The following PPHLN1 variants were observed in gnomAD, a reference collection of about 807,000 sequenced individuals.
The protein encoded by PPHLN1 is periphilin-1.
Under a neutral mutation model 51.3 loss-of-function variants are expected in PPHLN1, and 29 were observed. The ratio of observed to expected loss-of-function variants is 0.57; its 90% CI spans 0.42 to 0.77. PPHLN1 has a LOEUF of 0.77. Among genes scored for constraint, PPHLN1 ranks in the 30% least tolerant of loss-of-function variants. The pLI, the probability that PPHLN1 is intolerant of heterozygous loss-of-function variation, is 0.00. For missense variants in PPHLN1, 436 were observed against 438.4 expected (o/e 0.99, Z 0.05); for synonymous variants, 147 against 147.8 (o/e 0.99, Z 0.04).
At chr12:42,394,252 A>G (rs2077995560) in intron 8 of PPHLN1, among the ~76,000 whole-genome samples, 1 of 152,126 alleles carries the variant, frequency 6.6e-6, no homozygotes, top group Non-Finnish European at 1.5e-5. Flanking sequence ...GAACTGAAAA[A>G]TTTCTGTATA....
At chr12:42,399,144 T>C in intron 9 of PPHLN1, 150 bp downstream of exon 9, 2 of 1,417,760 alleles carry the variant, frequency 1.4e-6, no homozygotes, top group South Asian at 3.4e-5. Flanking sequence ...TTGAGTTGAC[T>C]TCACAGTCAG....
At chr12:42,337,904 C>A (rs956135810) in intron 2 of PPHLN1, among the ~76,000 whole-genome samples, 4 of 151,864 alleles carry the variant, frequency 2.6e-5, no homozygotes, top group African/African-American at 9.7e-5. Flanking sequence ...CTGCCTCAGC[C>A]TCCTGAGTAG....
At chr12:42,419,383 A>G (rs2080773587) in intron 9 of PPHLN1, among the ~76,000 whole-genome samples, 1 of 106,416 alleles carries the variant, frequency 9.4e-6, no homozygotes, top group Non-Finnish European at 2.0e-5. Flanking sequence ...CTGGGATTAC[A>G]GGCACCCACC....
chr12:42,400,798 TCACA>T (rs67724902), intron 9 of PPHLN1, among the ~76,000 whole-genome samples: 13,560 of 142,424 alleles, frequency 0.095, 637 homozygotes, highest in East Asian at 0.18. Flanking sequence ...TCTCTCTCTT[TCACA>T]CACACACACA....
Position 42,356,697 on chromosome 12 carries a change from C to A in PPHLN1, c.299+1475C>A, listed in dbSNP as rs376354730. Among the ~76,000 whole-genome samples the A allele has an allele frequency of 1.6e-4, 25 of 152,186 alleles. No individual in the cohort carries two copies. The South Asian group carries it at 5.2e-3, about 32-fold the overall frequency. On this transcript the variant is annotated intron_variant, in intron 4 of 9. Coordinates refer to ENST00000358314, the MANE Select transcript of PPHLN1 (RefSeq NM_201439.2). ...AATCACCAAGTAGTTATAAAAATAG[C>A]CAGCTGGGAATGGAAAGAGAATTTC...
At chr12:42,402,006 C>T (rs1334561270) in intron 9 of PPHLN1, among the ~76,000 whole-genome samples, 1 of 152,104 alleles carries the variant, frequency 6.6e-6, no homozygotes, top group Non-Finnish European at 1.5e-5. Flanking sequence ...AAGTGTGTGC[C>T]ACCACTCCCA....
chr12:42,358,109 T>A (rs1479616886), intron 4 of PPHLN1, among the ~76,000 whole-genome samples: 1 of 152,202 alleles, frequency 6.6e-6, no homozygotes, highest in Admixed American at 6.5e-5. Flanking sequence ...TGTACTACAT[T>A]TTCTTTATCC....
intron 8 of PPHLN1, among the ~76,000 whole-genome samples, chr12:42,397,508 C>T (rs762018362): frequency 1.5e-4 from 23 of 151,902 alleles, no homozygotes; most frequent in Non-Finnish European, 2.9e-5. Flanking sequence ...CCTGTCTTCT[C>T]TGTTGTACTT....
intron 2 of PPHLN1, among the ~76,000 whole-genome samples, chr12:42,341,867 T>G (rs1056679351): frequency 6.6e-6 from 1 of 152,088 alleles, no homozygotes; most frequent in Admixed American, 6.5e-5. Flanking sequence ...GTGATCCGCC[T>G]GCCTTGGCCT....
At chr12:42,392,559 A>C (rs958149418) in intron 7 of PPHLN1, among the ~76,000 whole-genome samples, 1 of 152,200 alleles carries the variant, frequency 6.6e-6, no homozygotes, top group African/African-American at 2.4e-5. Flanking sequence ...AAGCTGATGA[A>C]AATGTATACC....
At chr12:42,333,183 T>G (rs2070052925) in intron 1 of PPHLN1, among the ~76,000 whole-genome samples, 1 of 152,172 alleles carries the variant, frequency 6.6e-6, no homozygotes. Context: ...GGGGTTACTT[T>G]TCTTTGAAAT....
intron 2 of PPHLN1, among the ~76,000 whole-genome samples, chr12:42,345,102 C>G (rs998158677): frequency 3.9e-5 from 6 of 152,054 alleles, no homozygotes; most frequent in Non-Finnish European, 7.4e-5. Flanking sequence ...TTTCCTGTAA[C>G]CGATAGGTAT....
In PPHLN1 at chr12:42,441,689, T is replaced by G; in HGVS notation, c.*180T>G. ...TCTGTTTAAAATGTTTGATTCAAAT[T>G]TTTGTATTTTTTGTAGAGATGGGGT... On this transcript the variant is annotated 3_prime_UTR_variant, in exon 10 of 10. Coordinates refer to ENST00000358314, the MANE Select transcript of PPHLN1 (RefSeq NM_201439.2). 1 of 1,270,552 alleles carries G rather than the reference T, an allele frequency of 7.9e-7. No homozygotes were observed. 78.7% of individuals were successfully genotyped at this position (1,270,552 alleles called of 1,614,324 possible).
intron 5 of PPHLN1, among the ~76,000 whole-genome samples, chr12:42,379,166 T>A (rs1385881165): frequency 6.6e-6 from 1 of 152,032 alleles, no homozygotes; most frequent in Non-Finnish European, 1.5e-5. Flanking sequence ...CCTTTGTCAT[T>A]TGCCTTTTAT....
At chr12:42,391,386 C>G (rs550311689) in intron 7 of PPHLN1, among the ~76,000 whole-genome samples, 1 of 152,110 alleles carries the variant, frequency 6.6e-6, no homozygotes, top group South Asian at 2.1e-4. Context: ...TTACAGGCGC[C>G]TGCCACCACA....
downstream of PPHLN1, chr12:42,446,330 G>A (rs770443716): frequency 3.1e-5 from 48 of 1,539,068 alleles, no homozygotes; most frequent in African/African-American, 2.3e-4. Flanking sequence ...CCTGTTACCC[G>A]TACCTACTAT....
At chr12:42,432,221 A>G in intron 9 of PPHLN1, 1 of 793,340 alleles carries the variant, frequency 1.3e-6, no homozygotes, top group Non-Finnish European at 2.3e-6. Context: ...GGGGTTAGAC[A>G]GCTTAGAATT....
intron 9 of PPHLN1, among the ~76,000 whole-genome samples, chr12:42,425,042 G>GTATGTAAA (rs1555219828): frequency 0.013 from 1,907 of 143,806 alleles, 41 homozygotes; most frequent in African/African-American, 0.046. Context: ...TTTATTTTAT[G>GTATGTAAA]TATGTATGTA....
intron 9 of PPHLN1, among the ~76,000 whole-genome samples, chr12:42,409,623 T>C (rs1036954125): frequency 6.6e-6 from 1 of 152,158 alleles, no homozygotes; most frequent in African/African-American, 2.4e-5. Context: ...GGTATGTAAA[T>C]TCCTTGCCAG....
Sources: allele counts gnomAD v4.1 joint callset (sites outside exome capture counted in the v4.1 genomes callset), GRCh38; gene constraint gnomAD v4.1.1; transcripts MANE v1.5; gene names NCBI Gene and HGNC (gene_info 2026-07-23, HGNC 2026-07-21).